The following PTPRD variants were observed in gnomAD, a reference collection of about 807,000 sequenced individuals.
The protein encoded by PTPRD is receptor-type tyrosine-protein phosphatase delta.
Under a neutral mutation model 214.5 loss-of-function variants are expected in PTPRD, and 34 were observed. The observed-to-expected ratio is 0.16, with a 90% confidence interval of 0.12 to 0.21. The LOEUF (loss-of-function observed/expected upper bound fraction) is 0.21, where lower values mean the gene tolerates loss of function less well. Among genes scored for constraint, PTPRD ranks in the 10% least tolerant of loss-of-function variants. The probability of loss-of-function intolerance (pLI) is 1.00; values close to 1 mark genes in which losing one functional copy is unlikely to be tolerated. For synonymous variants in PTPRD, 1,128 were observed against 845.7 expected, an observed-to-expected ratio of 1.33 and a Z score of -5.79; for missense variants, 2,545 against 2,398.7, an observed-to-expected ratio of 1.06 and a Z score of -1.27.
chr9:10,229,108 T>C (rs551559194), intron 3 of PTPRD, among the ~76,000 whole-genome samples: 1 of 152,094 alleles, frequency 6.6e-6, no homozygotes, highest in South Asian at 2.1e-4. Context: ...AAAATGCTCA[T>C]CATCACTGGC....
chr9:9,950,062 C>T (rs1465474282), intron 4 of PTPRD, among the ~76,000 whole-genome samples: 1 of 152,162 alleles, frequency 6.6e-6, no homozygotes, highest in Admixed American at 6.5e-5. Context: ...TAGTCCAGCC[C>T]ATAGATATCA....
intron 2 of PTPRD, among the ~76,000 whole-genome samples, chr9:10,482,236 TG>T (rs2099104056): frequency 6.6e-6 from 1 of 151,782 alleles, no homozygotes; most frequent in Admixed American, 6.6e-5. Flanking sequence ...CCGGGCGTGG[TG>T]GCGGGTGCCT....
chr9:8,894,727 G>C (rs2098593253), intron 11 of PTPRD, among the ~76,000 whole-genome samples: 1 of 152,190 alleles, frequency 6.6e-6, no homozygotes, highest in Non-Finnish European at 1.5e-5. Context: ...AAGGAAAGTA[G>C]TTTTGGGGTA....
At chr9:10,247,462 G>GT (rs779096827) in intron 3 of PTPRD, among the ~76,000 whole-genome samples, 2 of 152,112 alleles carry the variant, frequency 1.3e-5, no homozygotes, top group Non-Finnish European at 2.9e-5. Flanking sequence ...TTTTAAACAT[G>GT]TTTTAGTGGG....
chr9:10,279,009 C>T (rs1307933201), intron 3 of PTPRD, among the ~76,000 whole-genome samples: 1 of 152,086 alleles, frequency 6.6e-6, no homozygotes, highest in Non-Finnish European at 1.5e-5. Context: ...CTCCTGGCCT[C>T]GTGATCTGCC....
At chr9:8,437,316 A>G in intron 34 of PTPRD, 5 of 1,192,452 alleles carry the variant, frequency 4.2e-6, no homozygotes, top group Non-Finnish European at 5.8e-6. Context: ...AAAGCCTGAT[A>G]TATTTTTTAA....
chr9:9,818,598 C>T (rs1009697214), intron 5 of PTPRD, among the ~76,000 whole-genome samples: 24 of 151,876 alleles, frequency 1.6e-4, no homozygotes, highest in African/African-American at 5.6e-4. Flanking sequence ...GCCATTAGAC[C>T]AATACTAACA....
chr9:8,602,746 A>G (rs1200516292), intron 14 of PTPRD, among the ~76,000 whole-genome samples: 1 of 152,222 alleles, frequency 6.6e-6, no homozygotes, highest in Non-Finnish European at 1.5e-5. Flanking sequence ...TAAGAGAAAC[A>G]TGCAGTTACA....
intron 9 of PTPRD, among the ~76,000 whole-genome samples, chr9:9,370,362 T>C (rs536076255): frequency 6.6e-6 from 1 of 152,142 alleles, no homozygotes; most frequent in South Asian, 2.1e-4. Context: ...TATTTTATTC[T>C]CTTTGAAGCA....
At chr9:8,594,677 G>T (rs1291004945) in intron 14 of PTPRD, among the ~76,000 whole-genome samples, 2 of 151,832 alleles carry the variant, frequency 1.3e-5, no homozygotes, top group Admixed American at 1.3e-4. Flanking sequence ...CGACGCTCTC[G>T]CTCTGTCTTG....
intron 5 of PTPRD, among the ~76,000 whole-genome samples, chr9:9,814,383 A>G (rs2048092778): frequency 6.6e-6 from 1 of 151,794 alleles, no homozygotes; most frequent in Admixed American, 6.6e-5. Flanking sequence ...TTTTATATAG[A>G]TAAAACCCTC....
intron 7 of PTPRD, among the ~76,000 whole-genome samples, chr9:9,602,776 C>G (rs2093872729): frequency 6.6e-6 from 1 of 152,064 alleles, no homozygotes; most frequent in South Asian, 2.1e-4. Context: ...GATGAAACTG[C>G]TTTCCTCCTG....
At chr9:10,311,944 C>G (rs549951718) in intron 3 of PTPRD, among the ~76,000 whole-genome samples, 1 of 151,724 alleles carries the variant, frequency 6.6e-6, no homozygotes, top group East Asian at 1.9e-4. Context: ...TTTTCTCTCT[C>G]TCTTCCCTGG....
At chr9:9,882,806 C>T (rs535401248) in intron 5 of PTPRD, among the ~76,000 whole-genome samples, 1 of 151,092 alleles carries the variant, frequency 6.6e-6, no homozygotes, top group Non-Finnish European at 1.5e-5. Flanking sequence ...AAATGTAATT[C>T]CCAATGTTGG....
At chr9:9,978,750 C>G (rs918660479) in intron 4 of PTPRD, among the ~76,000 whole-genome samples, 1 of 110,300 alleles carries the variant, frequency 9.1e-6, no homozygotes, top group Non-Finnish European at 1.9e-5. Flanking sequence ...GCTCGAAAAA[C>G]CAATAAGCAG....
chr9:10,314,145 ACAGT>A (rs1207158492), intron 3 of PTPRD, among the ~76,000 whole-genome samples: 4 of 152,006 alleles, frequency 2.6e-5, no homozygotes, highest in South Asian at 2.1e-4. Context: ...CAGGAAAGAA[ACAGT>A]CAGTTATTCT....
At chr9:8,887,909 C>G (rs2098505064) in intron 11 of PTPRD, among the ~76,000 whole-genome samples, 1 of 152,162 alleles carries the variant, frequency 6.6e-6, no homozygotes, top group Non-Finnish European at 1.5e-5. Flanking sequence ...CTCACTGGAA[C>G]TTACAGGAAG....
At chr9:8,324,809 G>A (rs1446344762) in intron 44 of PTPRD, among the ~76,000 whole-genome samples, 4 of 150,624 alleles carry the variant, frequency 2.7e-5, no homozygotes, top group Non-Finnish European at 4.4e-5. Context: ...GGTGTAAGAT[G>A]GTATCTCATT....
intron 7 of PTPRD, among the ~76,000 whole-genome samples, chr9:9,586,701 G>A (rs16929829): frequency 0.01 from 1,536 of 152,030 alleles, 24 homozygotes; most frequent in African/African-American, 0.035. Flanking sequence ...TAAATGGAAA[G>A]AGATATAGTC....
Sources: gnomAD v4.1 joint callset for allele counts (sites outside exome capture counted in the v4.1 genomes callset) on GRCh38, gnomAD v4.1.1 for gene constraint, MANE v1.5 for transcripts, NCBI Gene and HGNC (gene_info 2026-07-23, HGNC 2026-07-21) for gene names.